Variants in RHOBTB1 observed in about 807,000 individuals in gnomAD.
RHOBTB1 encodes the protein rho-related BTB domain-containing protein 1.
Under a neutral mutation model 71.6 loss-of-function variants are expected in RHOBTB1, and 40 were observed. That is an observed-to-expected ratio of 0.56 (90% CI 0.43 to 0.73). RHOBTB1 has a LOEUF of 0.73. RHOBTB1 is among the 30% of genes least tolerant of loss of function. RHOBTB1 has a pLI of 0.00. For missense variants in RHOBTB1, 797 were observed against 894.0 expected (o/e 0.89, Z 1.38); for synonymous variants, 319 against 334.9 (o/e 0.95, Z 0.52).
chr10:60,960,358 G>A (rs1239230057), intron 2 of RHOBTB1, among the ~76,000 whole-genome samples: 1 of 152,118 alleles, frequency 6.6e-6, no homozygotes, highest in Non-Finnish European at 1.5e-5. Context: ...GTATGTTTAC[G>A]TAAGTAACAC....
intron 2 of RHOBTB1, among the ~76,000 whole-genome samples, chr10:60,973,978 C>A (rs1398451710): frequency 6.6e-6 from 1 of 151,956 alleles, no homozygotes; most frequent in East Asian, 1.9e-4. Flanking sequence ...CCTTATTAAA[C>A]TAAATCAAAA....
At chr10:60,954,844 C>G (rs900292429) in intron 2 of RHOBTB1, among the ~76,000 whole-genome samples, 1 of 151,958 alleles carries the variant, frequency 6.6e-6, no homozygotes, top group African/African-American at 2.4e-5. Context: ...GGGAAATAGT[C>G]TTTTATTATT....
At chr10:60,929,804 C>T (rs1044507895) in intron 2 of RHOBTB1, among the ~76,000 whole-genome samples, 98 of 152,150 alleles carry the variant, frequency 6.4e-4, no homozygotes, top group African/African-American at 2.3e-3. Context: ...AAACCAATGT[C>T]AGATTAAGAA....
At chr10:60,998,362 A>G (rs1164641634) in intron 1 of RHOBTB1, among the ~76,000 whole-genome samples, 1 of 152,270 alleles carries the variant, frequency 6.6e-6, no homozygotes, top group Non-Finnish European at 1.5e-5. Flanking sequence ...CTGGGAATAC[A>G]GTAATGAAAA....
chr10:60,882,183 G>A (rs770566236), intron 7 of RHOBTB1, among the ~76,000 whole-genome samples: 7 of 147,362 alleles, frequency 4.8e-5, no homozygotes, highest in Non-Finnish European at 1.0e-4. Context: ...CCTACCTGCT[G>A]GATATAGTTT....
At chr10:60,953,041 A>G (rs772041326) in intron 2 of RHOBTB1, among the ~76,000 whole-genome samples, 1 of 152,186 alleles carries the variant, frequency 6.6e-6, no homozygotes, top group Non-Finnish European at 1.5e-5. Flanking sequence ...CAAGCAGGAT[A>G]CTACAGTGAT....
intron 2 of RHOBTB1, among the ~76,000 whole-genome samples, chr10:60,958,342 C>T (rs2085664914): frequency 6.6e-6 from 1 of 152,080 alleles, no homozygotes; most frequent in African/African-American, 2.4e-5. Context: ...CTGAGCCAAC[C>T]GTCTTGCAAA....
chr10:60,993,672 TA>T lies in RHOBTB1; in HGVS notation c.-163+7726del, dbSNP rs569601303. On this transcript the variant is annotated intron_variant, in intron 1 of 11. Transcript: ENST00000357917. ...CTCATTTTTTCTTACCTATTTGAAA[TA>T]CATTTTATATTGCTCTACGGTGTAT... Among the ~76,000 whole-genome samples the T allele has an allele frequency of 4.1e-3, 617 of 152,244 alleles. 1 individual carries two copies. Among genetic ancestry groups the T allele is most frequent in the Non-Finnish European group, 6.8e-3 (462 of 68,000 alleles).
intron 2 of RHOBTB1, among the ~76,000 whole-genome samples, chr10:60,985,162 A>T (rs1237423730): frequency 6.6e-6 from 1 of 152,244 alleles, no homozygotes; most frequent in East Asian, 1.9e-4. Flanking sequence ...GCATTAGAAC[A>T]TATAAACATA....
chr10:60,929,612 T>C (rs1331250060), intron 2 of RHOBTB1, among the ~76,000 whole-genome samples: 1 of 152,148 alleles, frequency 6.6e-6, no homozygotes, highest in Admixed American at 6.5e-5. Flanking sequence ...TGAATTTAGT[T>C]ACAAAATGGT....
chr10:60,970,870 A>G (rs2086130512), intron 2 of RHOBTB1, among the ~76,000 whole-genome samples: 1 of 152,118 alleles, frequency 6.6e-6, no homozygotes, highest in South Asian at 2.1e-4. Context: ...ACTGAATGCT[A>G]AACAACTCCT....
At chr10:60,951,677 G>C (rs2085412436) in intron 2 of RHOBTB1, among the ~76,000 whole-genome samples, 1 of 152,198 alleles carries the variant, frequency 6.6e-6, no homozygotes, top group Non-Finnish European at 1.5e-5. Flanking sequence ...GATTTGGTGA[G>C]AGGCACGGAA....
At chr10:60,998,040 C>T (rs1320187797) in intron 1 of RHOBTB1, among the ~76,000 whole-genome samples, 1 of 152,124 alleles carries the variant, frequency 6.6e-6, no homozygotes, top group Non-Finnish European at 1.5e-5. Context: ...ATTGTCTAGA[C>T]CTAAATTTCT....
chr10:60,908,290 G>T (rs1215737657), intron 4 of RHOBTB1, among the ~76,000 whole-genome samples: 5 of 152,100 alleles, frequency 3.3e-5, no homozygotes, highest in Non-Finnish European at 7.4e-5. Context: ...AAAACATGTT[G>T]GTTTAAATCT....
At position 60,877,839 on chromosome 10, in the gene RHOBTB1, A is replaced by G. The variant is rs2132312651; in HGVS notation, c.1726+69T>C. On this transcript the variant is annotated intron_variant, in intron 8 of 10. Transcript: ENST00000337910. ...AAATCAATTTTTATTCTCTGTAAGA[A>G]TATTTTTATTTAAATGTGATTTTGA... 3 of 1,472,786 alleles carry G rather than the reference A, an allele frequency of 2.0e-6. No homozygotes were observed. In the South Asian group the frequency reaches 3.9e-5, roughly 19 times the overall value. 91.2% of individuals were successfully genotyped at this position (1,472,786 alleles called of 1,614,324 possible).
chr10:60,895,995 T>C (rs926509815), intron 4 of RHOBTB1, among the ~76,000 whole-genome samples: 4 of 152,252 alleles, frequency 2.6e-5, no homozygotes, highest in African/African-American at 9.6e-5. Context: ...CTCTGTGATA[T>C]AAACACATAT....
At chr10:60,933,202 G>A (rs73266025) in intron 2 of RHOBTB1, among the ~76,000 whole-genome samples, 8,980 of 152,092 alleles carry the variant, frequency 0.059, 514 homozygotes, top group African/African-American at 0.15. Context: ...TATTTTTCAG[G>A]GCATGTTCCT....
At chr10:60,911,027 A>C in intron 3 of RHOBTB1, 37 bp from the exon 4 acceptor site, 1 of 1,551,144 alleles carries the variant, frequency 6.4e-7, no homozygotes, top group Non-Finnish European at 8.9e-7. Context: ...GCTCGGTGTC[A>C]GTCAGAAGTT....
At chr10:60,922,338 G>T (rs146652230) in intron 2 of RHOBTB1, among the ~76,000 whole-genome samples, 1 of 152,268 alleles carries the variant, frequency 6.6e-6, no homozygotes, top group African/African-American at 2.4e-5. Flanking sequence ...GCACTTCAAG[G>T]CAAGATGGCA....
Sources: gnomAD v4.1 joint callset for allele counts (sites outside exome capture counted in the v4.1 genomes callset) on GRCh38, gnomAD v4.1.1 for gene constraint, MANE v1.5 for transcripts, NCBI Gene and HGNC (gene_info 2026-07-23, HGNC 2026-07-21) for gene names.